Variants in CMTM2 observed in about 807,000 individuals in gnomAD.
CMTM2 encodes the protein CKLF like MARVEL transmembrane domain containing 2.
In CMTM2, 15 loss-of-function variants were observed where a neutral mutation model predicts 16.8. The ratio of observed to expected loss-of-function variants is 0.89; its 90% CI spans 0.60 to 1.37. CMTM2 has a LOEUF of 1.37. Among genes scored for constraint, CMTM2 ranks in the 40% most tolerant of loss-of-function variants. CMTM2 has a pLI of 0.00. For missense variants in CMTM2, 282 were observed against 318.0 expected, an observed-to-expected ratio of 0.89 and a Z score of 0.86; for synonymous variants, 117 against 118.7, an observed-to-expected ratio of 0.99 and a Z score of 0.09.
intron 2 of CMTM2, among the ~76,000 whole-genome samples, chr16:66,583,352 C>T (rs1002144318): frequency 5.3e-5 from 8 of 152,018 alleles, no homozygotes; most frequent in African/African-American, 1.7e-4. Context: ...ATTAACCAGG[C>T]ATGGAGGTGC....
In CMTM2 at chr16:66,579,937, T is replaced by TG. The variant is rs771721025; in HGVS notation, c.285+51dup. ...CTGGGTGGGGGGCCTTGGCCGAGGG[T>TG]GGGGGGAAGGAGGAGTAGGCTCCAG... On this transcript the variant is annotated intron_variant, in intron 1 of 3. Coordinates refer to ENST00000268595, the MANE Select transcript of CMTM2 (RefSeq NM_144673.3). The surrounding 1 kb of genome is among the most constrained non-coding windows in gnomAD (Gnocchi z 6.5). 9.5e-6 allele frequency: 6 copies of TG among 631,200 alleles called. No homozygotes were observed. The highest frequency in any genetic ancestry group is 3.7e-5 in the East Asian group (1 of 26,902). 39.1% of individuals were successfully genotyped at this position (631,200 alleles called of 1,614,324 possible). A position where few individuals can be genotyped will look rare whatever the true frequency, so the allele number is the denominator to read the frequency against.
At chr16:66,581,519 G>A (rs567111742) in intron 2 of CMTM2, among the ~76,000 whole-genome samples, 1 of 152,286 alleles carries the variant, frequency 6.6e-6, no homozygotes, top group South Asian at 2.1e-4. Flanking sequence ...GGTCCAAGAG[G>A]TATTGTCTCA....
At chr16:66,582,344 A>G (rs2014745138) in intron 2 of CMTM2, among the ~76,000 whole-genome samples, 1 of 152,212 alleles carries the variant, frequency 6.6e-6, no homozygotes, top group African/African-American at 2.4e-5. Context: ...ATTACCCAGA[A>G]CACAGCACAC....
At position 66,579,645 on chromosome 16, in the gene CMTM2, C is replaced by T; in HGVS notation, c.38C>T (p.Pro13Leu). The change falls in exon 1 of 4, where the codon CCA (proline) becomes CTA (leucine). Residue 13 changes from proline to leucine, a missense_variant. By Grantham distance (98) the Pro-to-Leu change is moderately conservative. Coordinates refer to ENST00000268595, the MANE Select transcript of CMTM2 (RefSeq NM_144673.3). This position sits in a 1 kb window ranked among gnomAD's most constrained non-coding sequence, Gnocchi z 6.5. ...GCGGCAAAGGGGGCCAAGCCAGAGC[C>T]AGCACCAGCTCCACCTCCACCCGGG... is the stretch of plus-strand genomic sequence containing the variant. ...PKAAKGAKPEPAPAPPPPGAK... is the reference protein window; with the variant it reads ...PKAAKGAKPELAPAPPPPGAK... 2 of 1,613,946 alleles carry T rather than the reference C, an allele frequency of 1.2e-6. No homozygotes were observed. Among genetic ancestry groups the T allele is most frequent in the Non-Finnish European group, 1.7e-6 (2 of 1,179,986 alleles).
intron 2 of CMTM2, chr16:66,580,846 C>CA (rs2014724120): frequency 1.3e-5 from 2 of 152,342 alleles, no homozygotes; most frequent in East Asian, 1.9e-4. Context: ...TGCTTGACAC[C>CA]GTGCCTGAGG....
chr16:66,587,839 T>G (rs2014812612), intron 3 of CMTM2, 80 bp from the exon 4 acceptor site: 2 of 1,429,284 alleles, frequency 1.4e-6, no homozygotes, highest in Non-Finnish European at 2.0e-6. Context: ...CAGCACCCCC[T>G]GATGAATGAG....
intron 3 of CMTM2, 83 bp from the exon 4 acceptor site, chr16:66,587,836 C>G (rs947105421): frequency 1.5e-6 from 2 of 1,376,752 alleles, no homozygotes; most frequent in Non-Finnish European, 2.0e-6. Flanking sequence ...AAACAGCACC[C>G]CCTGATGAAT....
intron 2 of CMTM2, among the ~76,000 whole-genome samples, chr16:66,585,400 A>C: frequency 6.6e-6 from 1 of 152,248 alleles, no homozygotes; most frequent in South Asian, 2.1e-4. Flanking sequence ...AGTAGGCTAC[A>C]TCAGTTAAAA....
rs375987648 is a variant in CMTM2 at position 66,587,116 on chromosome 16, G to A, written c.546+18G>A. 1.9e-5 allele frequency: 30 copies of A among 1,587,722 alleles called. No homozygotes were observed. In the African/African-American group the frequency reaches 3.2e-4, roughly 17 times the overall value. The stretch of plus-strand genomic sequence containing the variant: ...TTGCTGTGGTGAGTCTTTCCATGCT[G>A]GGCCTTGCATTTGCTCTGAATTCAC... On this transcript the variant is annotated intron_variant, in intron 3 of 3. Transcript: ENST00000268595.
chr16:66,580,355 G>T, intron 2 of CMTM2, 171 bp downstream of exon 2: 1 of 663,018 alleles, frequency 1.5e-6, no homozygotes. Context: ...TGCAAGAGGG[G>T]TAGCTAGGCA....
At chr16:66,586,743 G>A (rs1338534222) in intron 2 of CMTM2, among the ~76,000 whole-genome samples, 1 of 152,188 alleles carries the variant, frequency 6.6e-6, no homozygotes, top group Non-Finnish European at 1.5e-5. Flanking sequence ...GGTAGAAGAG[G>A]GGGCTGGTGA....
rs538123808 is a variant in CMTM2 at position 66,582,299 on chromosome 16, G to A, written c.444+2115G>A. On this transcript the variant is annotated intron_variant, in intron 2 of 3. Transcript: ENST00000268595. ...ATTCAAAAACAGATCAGACATAGCT[G>A]AAGGAGGGAACTGTTAACTGAAAGG... 3.3e-5 allele frequency among the ~76,000 whole-genome samples: 5 copies of A among 152,282 alleles called. No homozygotes were observed. In the East Asian group the frequency reaches 9.7e-4, roughly 29 times the overall value.
intron 2 of CMTM2, among the ~76,000 whole-genome samples, chr16:66,584,944 A>T (rs2014775569): frequency 7.5e-6 from 1 of 133,484 alleles, no homozygotes; most frequent in South Asian, 2.4e-4. Context: ...TACAAAAACA[A>T]TTTTTTTTTT....
chr16:66,579,725 A>C lies in CMTM2; in HGVS notation c.118A>C (p.Lys40Gln). ...TAAGGAGCCATCGGACAAACCTCAA[A>C]AGGCGGTGCAGGACCATAAGGAGCC... ...DGKEPSDKPQ[K>Q]AVQDHKEPSD... Residue 40 changes from lysine (K) to glutamine (Q), a missense_variant, in exon 1 of 4, where the codon AAG (lysine) becomes CAG (glutamine). Coordinates refer to ENST00000268595, the MANE Select transcript of CMTM2 (RefSeq NM_144673.3). This position sits in a 1 kb window ranked among gnomAD's most constrained non-coding sequence, Gnocchi z 6.5. 2 of 1,613,444 alleles carry C rather than the reference A, an allele frequency of 1.2e-6. No individual in the cohort carries two copies. The highest frequency in any genetic ancestry group is 2.2e-5 in the South Asian group (2 of 91,018).
At position 66,579,911 on chromosome 16, in the gene CMTM2, C is replaced by T. The variant is rs751031016; in HGVS notation, c.285+19C>T. ...GAGTTTGGTGAGCTAAACTGGTATCCCTGGGTGGGGGGCCTTGGCCGAGGG... is the reference window on the plus strand; with the variant it reads ...GAGTTTGGTGAGCTAAACTGGTATCTCTGGGTGGGGGGCCTTGGCCGAGGG... On this transcript the variant is annotated intron_variant, in intron 1 of 3. Transcript: ENST00000268595. The surrounding 1 kb of genome is among the most constrained non-coding windows in gnomAD (Gnocchi z 6.5). 44 of 1,608,014 alleles carry T rather than the reference C, an allele frequency of 2.7e-5. No individual in the cohort carries two copies. Among genetic ancestry groups the T allele is most frequent in the Non-Finnish European group, 3.7e-5 (44 of 1,175,988 alleles).
rs145544432 is a variant in CMTM2, at chr16:66,587,739, G to C, written c.547-180G>C. 3.0e-3 allele frequency among the ~76,000 whole-genome samples: 457 copies of C among 152,280 alleles called. 2 individuals are homozygous for C. The highest frequency in any genetic ancestry group is 0.01 in the African/African-American group (428 of 41,558). ...ACAGAGATGAGATGGCAGGACGGGG[G>C]AGTGGAGAAGGCAAAGGCTGAGGGA... On this transcript the variant is annotated intron_variant, in intron 3 of 3. Transcript: ENST00000268595.
In CMTM2 at chr16:66,587,041, C is replaced by T. The variant is rs575295259; in HGVS notation, c.489C>T (p.Ala163=). ...TTGCTTGTGCGTTCCTTGTGGGAGC[C>T]GTGGTCTTTGCTGTGAGAAGTCGGC... is the stretch of plus-strand genomic sequence containing the variant. ...DLIACAFLVG[A]VVFAVRSRRS... The change falls in exon 3 of 4, where the codon GCC becomes GCT. Residue 163 remains alanine (A), a synonymous_variant. Coordinates refer to ENST00000268595, the MANE Select transcript of CMTM2 (RefSeq NM_144673.3). The T allele has an allele frequency of 2.5e-6, 4 of 1,613,972 alleles. No homozygotes were observed. The highest frequency in any genetic ancestry group is 2.7e-5 in the African/African-American group (2 of 74,898).
At chr16:66,586,022 G>A (rs996127036) in intron 2 of CMTM2, among the ~76,000 whole-genome samples, 4 of 152,190 alleles carry the variant, frequency 2.6e-5, no homozygotes, top group East Asian at 1.9e-4. Flanking sequence ...GCTCTGAGAA[G>A]TTTGGCAATG....
At chr16:66,581,621 T>C (rs1172377891) in intron 2 of CMTM2, among the ~76,000 whole-genome samples, 1 of 152,156 alleles carries the variant, frequency 6.6e-6, no homozygotes, top group African/African-American at 2.4e-5. Context: ...GAAAACCCTG[T>C]ATAAAGCCAG....
Sources: allele counts gnomAD v4.1 joint callset (sites outside exome capture counted in the v4.1 genomes callset), GRCh38; gene constraint gnomAD v4.1.1; non-coding constraint Gnocchi (gnomAD v3.1); transcripts MANE v1.5; gene names NCBI Gene and HGNC (gene_info 2026-07-23, HGNC 2026-07-21).